FKBP1B: variants seen among roughly 807,000 people sequenced by gnomAD.
FKBP1B encodes peptidyl-prolyl cis-trans isomerase FKBP1B.
A neutral mutation model predicts 13.5 loss-of-function variants in FKBP1B; 4 were observed. The observed-to-expected ratio is 0.30, with a 90% CI of 0.15 to 0.68. FKBP1B has a LOEUF of 0.68. Among genes scored for constraint, FKBP1B ranks in the 30% least tolerant of loss-of-function variants. The pLI is 0.76. For missense variants in FKBP1B, 93 were observed against 136.2 expected (o/e 0.68, Z 1.58); for synonymous variants, 54 against 53.6 (o/e 1.01, Z -0.03).
At chr2:24,046,946 T>TGA (rs574078405), upstream of FKBP1B, among the ~76,000 whole-genome samples, 14 of 152,162 alleles carry the variant, frequency 9.2e-5, no homozygotes, top group Non-Finnish European at 1.8e-4. Flanking sequence ...ATACACTCAG[T>TGA]GAAGTGACAT....
At chr2:24,037,689 G>C in the FKBP1B span, 7 of 1,609,664 alleles carry the variant, frequency 4.3e-6, no homozygotes, top group African/African-American at 9.4e-5. Context: ...GGTAAATGAT[G>C]TGAACATAAG....
chr2:24,047,670 T>C (rs1009821296), upstream of FKBP1B, among the ~76,000 whole-genome samples: 3 of 152,208 alleles, frequency 2.0e-5, no homozygotes, highest in Admixed American at 1.3e-4. Flanking sequence ...TCCCCACTTC[T>C]CGTCGGTTCT....
intron 2 of FKBP1B, among the ~76,000 whole-genome samples, chr2:24,059,732 A>G (rs190630336): frequency 9.2e-4 from 139 of 151,858 alleles, no homozygotes; most frequent in Non-Finnish European, 1.7e-3. Context: ...CATCTCTACT[A>G]AAAATATAAA....
chr2:24,042,758 C>T, the FKBP1B span, among the ~76,000 whole-genome samples: 4 of 151,036 alleles, frequency 2.6e-5, no homozygotes, highest in Non-Finnish European at 4.4e-5. Context: ...CAGAGCCAGG[C>T]GCGGCGGCTC....
chr2:24,033,295 G>A, the FKBP1B span: 2 of 416,948 alleles, frequency 4.8e-6, no homozygotes, highest in African/African-American at 4.1e-5. Context: ...ATATAGCTAA[G>A]ACACCTCATG....
chr2:24,035,727 C>A, the FKBP1B span, among the ~76,000 whole-genome samples: 3 of 151,236 alleles, frequency 2.0e-5, no homozygotes, highest in African/African-American at 4.9e-5. Context: ...CAAGCCTGGG[C>A]AACATAGCAA....
the FKBP1B span, among the ~76,000 whole-genome samples, chr2:24,036,440 A>G: frequency 1.3e-5 from 2 of 150,582 alleles, no homozygotes; most frequent in African/African-American, 4.8e-5. Context: ...GATTGGTGAC[A>G]TACGAGGAAA....
chr2:24,038,085 A>G, the FKBP1B span: 1 of 1,614,164 alleles, frequency 6.2e-7, no homozygotes, highest in Non-Finnish European at 8.5e-7. Flanking sequence ...GGTGACAAAA[A>G]TCTGGGGAAA....
At chr2:24,036,419 G>T in the FKBP1B span, among the ~76,000 whole-genome samples, 7 of 152,080 alleles carry the variant, frequency 4.6e-5, no homozygotes, top group Admixed American at 3.9e-4. Flanking sequence ...AAGCAGGAGG[G>T]TCACTGATCA....
the FKBP1B span, among the ~76,000 whole-genome samples, chr2:24,037,046 G>A: frequency 6.6e-6 from 1 of 152,148 alleles, no homozygotes; most frequent in Non-Finnish European, 1.5e-5. Flanking sequence ...CTTTTTCTTT[G>A]AGACGGAGTC....
At chr2:24,049,944 G>T in intron 1 of FKBP1B, 58 bp downstream of exon 1, 1 of 1,325,600 alleles carries the variant, frequency 7.5e-7, no homozygotes, top group African/African-American at 1.5e-5. Flanking sequence ...GAGCCCGGAG[G>T]GCGGGGGTCT....
chr2:24,044,274 T>C, the FKBP1B span, among the ~76,000 whole-genome samples: 1 of 151,482 alleles, frequency 6.6e-6, no homozygotes, highest in African/African-American at 2.4e-5. Flanking sequence ...AGGTTTTTTT[T>C]TGGGGGGGGC....
the FKBP1B span, among the ~76,000 whole-genome samples, chr2:24,035,764 A>T: frequency 2.0e-4 from 30 of 151,302 alleles, 1 homozygote; most frequent in South Asian, 1.0e-3. Flanking sequence ...TTAAAAAAAA[A>T]TTTTTTTTAA....
chr2:24,043,033 CAAAAAA>C, the FKBP1B span, among the ~76,000 whole-genome samples: 1 of 135,106 alleles, frequency 7.4e-6, no homozygotes, highest in Non-Finnish European at 1.6e-5. Flanking sequence ...AACTCCGTCT[CAAAAAA>C]AAAAAAAAAA....
chr2:24,036,164 T>C, the FKBP1B span, among the ~76,000 whole-genome samples: 1 of 151,768 alleles, frequency 6.6e-6, no homozygotes, highest in East Asian at 1.9e-4. Flanking sequence ...AAAACTCTAC[T>C]ACTGAAAACT....
intron 2 of FKBP1B, among the ~76,000 whole-genome samples, chr2:24,059,506 C>T (rs907826471): frequency 6.6e-6 from 1 of 152,068 alleles, no homozygotes; most frequent in Admixed American, 6.6e-5. Context: ...TTGGGGGAAA[C>T]TTAGGAAACC....
upstream of FKBP1B, among the ~76,000 whole-genome samples, chr2:24,045,619 A>AAG (rs1258646775): frequency 3.9e-4 from 34 of 87,886 alleles, no homozygotes; most frequent in East Asian, 4.7e-3. Flanking sequence ...AAAAAAAAAA[A>AAG]AGAGAGAGAG....
chr2:24,036,102 A>G, the FKBP1B span, among the ~76,000 whole-genome samples: 1 of 149,896 alleles, frequency 6.7e-6, no homozygotes, highest in South Asian at 2.1e-4. Context: ...ATAAATAAAT[A>G]AATAAAATAA....
intron 1 of FKBP1B, among the ~76,000 whole-genome samples, chr2:24,052,324 T>C (rs1176427733): frequency 1.3e-5 from 2 of 152,194 alleles, no homozygotes; most frequent in East Asian, 3.8e-4. Context: ...TGGTTTCCTA[T>C]TGCACTTAGT....
Sources: allele counts gnomAD v4.1 joint callset (sites outside exome capture counted in the v4.1 genomes callset), GRCh38; gene constraint gnomAD v4.1.1; transcripts MANE v1.5; gene names NCBI Gene and HGNC (gene_info 2026-07-23, HGNC 2026-07-21).